Variants in MTF1 observed in about 807,000 individuals in gnomAD.
MTF1 encodes the protein MRE-binding transcription factor.
A neutral mutation model predicts 70.4 loss-of-function variants in MTF1; 22 were observed. That is an observed-to-expected ratio of 0.31 (90% CI 0.22 to 0.45). MTF1 has a LOEUF of 0.45. Among genes scored for constraint, MTF1 ranks in the 20% least tolerant of loss-of-function variants. MTF1 has a pLI of 1.00. For synonymous variants in MTF1, 333 were observed against 352.8 expected (o/e 0.94, Z 0.63); for missense variants, 649 against 922.0 (o/e 0.70, Z 3.83).
At chr1:37,831,080 C>T (rs1284198050) in intron 7 of MTF1, among the ~76,000 whole-genome samples, 2 of 152,196 alleles carry the variant, frequency 1.3e-5, no homozygotes, top group South Asian at 2.1e-4. Context: ...CTACCCAGTG[C>T]CTTTACCATC....
chr1:37,833,682 A>G (rs1641121559), intron 6 of MTF1, among the ~76,000 whole-genome samples: 1 of 152,144 alleles, frequency 6.6e-6, no homozygotes, highest in Non-Finnish European at 1.5e-5. Flanking sequence ...GTGCAAGAGG[A>G]TAAGTGTTAT....
At chr1:37,830,234 T>G (rs940812736) in intron 7 of MTF1, among the ~76,000 whole-genome samples, 1 of 152,240 alleles carries the variant, frequency 6.6e-6, no homozygotes, top group African/African-American at 2.4e-5. Context: ...AGTCATGTGA[T>G]GTACCCATTT....
At chr1:37,835,794 T>A in intron 4 of MTF1, 50 bp from the exon 5 acceptor site, 1 of 1,465,260 alleles carries the variant, frequency 6.8e-7, no homozygotes, top group Non-Finnish European at 9.5e-7. Context: ...AATAGATCTT[T>A]ATCCTGAACG....
chr1:37,835,818 TG>T, intron 4 of MTF1, 74 bp from the exon 5 acceptor site: 1 of 1,224,910 alleles, frequency 8.2e-7, no homozygotes, highest in African/African-American at 1.5e-5. Context: ...TTTTTTTTTT[TG>T]AGATCGAGTC....
chr1:37,851,456 G>A (rs1301414429), intron 2 of MTF1, among the ~76,000 whole-genome samples: 1 of 152,226 alleles, frequency 6.6e-6, no homozygotes, highest in Non-Finnish European at 1.5e-5. Flanking sequence ...GCTTTTCACT[G>A]ATTGCATAAT....
chr1:37,855,679 G>A (rs1373537453), intron 2 of MTF1, among the ~76,000 whole-genome samples: 25 of 152,134 alleles, frequency 1.6e-4, no homozygotes, highest in Admixed American at 1.3e-4. Flanking sequence ...TGGATGGGCC[G>A]GGCATGGTGG....
intron 9 of MTF1, 74 bp from the exon 10 acceptor site, chr1:37,817,556 A>T: frequency 1.0e-6 from 1 of 976,590 alleles, no homozygotes; most frequent in South Asian, 1.3e-5. Context: ...AAGCCTCACC[A>T]ACTGTAATGG....
intron 9 of MTF1, among the ~76,000 whole-genome samples, chr1:37,819,951 CAAAAAAAAAAAAAAAAA>C (rs766621404): frequency 0.65 from 55,702 of 85,888 alleles, 15,647 homozygotes; most frequent in Admixed American, 0.69. Context: ...GACTCTGACT[CAAAAAAAAAAAAAAAAA>C]AAAAAAAAAA....
chr1:37,842,278 T>G (rs1360888431), intron 2 of MTF1, among the ~76,000 whole-genome samples: 1 of 151,940 alleles, frequency 6.6e-6, no homozygotes, highest in Non-Finnish European at 1.5e-5. Context: ...AATAACATTT[T>G]GGGCTGGATG....
chr1:37,835,403 T>G (rs1641151464), intron 5 of MTF1, among the ~76,000 whole-genome samples, 188 bp from the exon 6 acceptor site: 1 of 152,192 alleles, frequency 6.6e-6, no homozygotes, highest in South Asian at 2.1e-4. Flanking sequence ...GCATTGGGAA[T>G]GCCTACTGCT....
chr1:37,856,442 T>G (rs1316150356), intron 2 of MTF1, among the ~76,000 whole-genome samples: 2 of 151,526 alleles, frequency 1.3e-5, no homozygotes, highest in African/African-American at 4.8e-5. Context: ...AGTGCTGGGA[T>G]TACAGAAAGT....
chr1:37,814,739 T>C lies in MTF1; in HGVS notation c.*397A>G. ...TAGGAAGGAGCAACACCCAACACACTGAAAACTCCTGCCCGATCCACAAAG... is the reference window on the plus strand; with the variant it reads ...TAGGAAGGAGCAACACCCAACACACCGAAAACTCCTGCCCGATCCACAAAG... On this transcript the variant is annotated 3_prime_UTR_variant, in exon 11 of 11. Transcript: ENST00000373036. 1 of 198,170 alleles carries C rather than the reference T, an allele frequency of 5.0e-6. No homozygotes were observed. The highest frequency in any genetic ancestry group is 8.1e-5 in the South Asian group (1 of 12,330). 12.3% of individuals were successfully genotyped at this position (198,170 alleles called of 1,614,324 possible). A position where few individuals can be genotyped will look rare whatever the true frequency, so the allele number is the denominator to read the frequency against.
Position 37,813,656 on chromosome 1 carries a change from C to A in MTF1, c.*1480G>T, listed in dbSNP as rs1487246224. The A allele has an allele frequency of 6.6e-6, 1 of 152,294 alleles. No individual in the cohort carries two copies. The highest frequency in any genetic ancestry group is 2.4e-5 in the African/African-American group (1 of 41,466). 9.4% of individuals were successfully genotyped at this position (152,294 alleles called of 1,614,324 possible). ...CTCCTTGCTCAGGGCAAGGAAAGGG[C>A]TCTTGGGAGGCAGAGGCCTATTCTG... On this transcript the variant is annotated 3_prime_UTR_variant, in exon 11 of 11. Coordinates refer to ENST00000373036, the MANE Select transcript of MTF1 (RefSeq NM_005955.3).
chr1:37,838,765 T>C lies in MTF1; in HGVS notation c.648-9A>G. 6.8e-7 allele frequency: 1 copy of C among 1,462,200 alleles called. No homozygotes were observed. The highest frequency in any genetic ancestry group is 9.2e-7 in the Non-Finnish European group (1 of 1,083,946). The allele number at this position is 1,462,200 out of a possible 1,614,324, so 90.6% of individuals were successfully genotyped here. The stretch of plus-strand genomic sequence containing the variant: ...TCTGATGTGCTTTCAGCCTGCAAAA[T>C]ATTCCAGAAAAATTCCCTTTGTCAT... On this transcript the variant is annotated splice_polypyrimidine_tract_variant and intron_variant, in intron 3 of 10. Transcript: ENST00000373036.
intron 7 of MTF1, chr1:37,826,692 T>C (rs1641007299): frequency 1.2e-5 from 5 of 415,074 alleles, no homozygotes; most frequent in Admixed American, 2.8e-5. Context: ...TCAGAAATTA[T>C]GTGAGGCCAG....
At chr1:37,839,636 C>A (rs1194194340) in intron 3 of MTF1, among the ~76,000 whole-genome samples, 1 of 152,184 alleles carries the variant, frequency 6.6e-6, no homozygotes, top group Non-Finnish European at 1.5e-5. Context: ...AATGCCCAGG[C>A]CAGAATGCTG....
At chr1:37,824,961 G>A (rs1479802315) in intron 7 of MTF1, among the ~76,000 whole-genome samples, 1 of 152,056 alleles carries the variant, frequency 6.6e-6, no homozygotes, top group East Asian at 1.9e-4. Context: ...TAACTAAAAC[G>A]AGCACTCTTC....
Position 37,815,630 on chromosome 1 carries a change from G to C in MTF1, c.1832-64C>G, listed in dbSNP as rs183760353. ...GCAGGGGCAGGAGCATGAGGGACAGGGATACATGGACTAGGTGAGAGCAGA... is the reference window on the plus strand; with the variant it reads ...GCAGGGGCAGGAGCATGAGGGACAGCGATACATGGACTAGGTGAGAGCAGA... On this transcript the variant is annotated intron_variant, in intron 10 of 10. Transcript: ENST00000373036. This position sits in a 1 kb window ranked among gnomAD's most constrained non-coding sequence, Gnocchi z 4.5. The C allele has an allele frequency of 3.4e-4, 438 of 1,298,096 alleles. 1 individual carries two copies. The highest frequency in any genetic ancestry group is 2.5e-3 in the Middle Eastern group (13 of 5,154). The allele number at this position is 1,298,096 out of a possible 1,614,324, so 80.4% of individuals were successfully genotyped here. A position where few individuals can be genotyped will look rare whatever the true frequency, so the allele number is the denominator to read the frequency against.
intron 7 of MTF1, among the ~76,000 whole-genome samples, chr1:37,829,701 C>A (rs763456579): frequency 5.1e-4 from 77 of 151,572 alleles, no homozygotes; most frequent in Non-Finnish European, 9.1e-4. Context: ...AGGAGAATGG[C>A]GTGAACCCAG....
Sources: gnomAD v4.1 joint callset for allele counts (sites outside exome capture counted in the v4.1 genomes callset) on GRCh38, gnomAD v4.1.1 for gene constraint, Gnocchi (gnomAD v3.1) non-coding constraint, MANE v1.5 for transcripts, NCBI Gene and HGNC (gene_info 2026-07-23, HGNC 2026-07-21) for gene names.